The following PTPRT variants were observed in gnomAD, a reference collection of about 807,000 sequenced individuals.
The protein encoded by PTPRT is receptor-type tyrosine-protein phosphatase T.
PTPRT carries 56 observed loss-of-function variants against 176.8 expected under a neutral mutation model. The observed-to-expected ratio is 0.32, with a 90% confidence interval of 0.26 to 0.40. The LOEUF (loss-of-function observed/expected upper bound fraction) is 0.40, where lower values mean the gene tolerates loss of function less well. Among genes scored for constraint, PTPRT ranks in the 10% least tolerant of loss-of-function variants. The pLI, the probability that PTPRT is intolerant of heterozygous loss-of-function variation, is 1.00. For missense variants in PTPRT, 1,540 were observed against 1,908.2 expected, an observed-to-expected ratio of 0.81 and a Z score of 3.60; for synonymous variants, 783 against 739.0, an observed-to-expected ratio of 1.06 and a Z score of -0.96.
intron 9 of PTPRT, among the ~76,000 whole-genome samples, chr20:42,445,727 G>A (rs917448756): frequency 6.6e-6 from 1 of 152,188 alleles, no homozygotes; most frequent in African/African-American, 2.4e-5. Context: ...ACCTGAAGAT[G>A]TCTTTCATCA....
At chr20:42,675,018 C>A (rs1169782478) in intron 7 of PTPRT, among the ~76,000 whole-genome samples, 2 of 152,184 alleles carry the variant, frequency 1.3e-5, no homozygotes, top group Non-Finnish European at 2.9e-5. Context: ...CTGCACCCAG[C>A]AGAACTGAGC....
chr20:42,960,906 T>TTA (rs1981948538), intron 1 of PTPRT, among the ~76,000 whole-genome samples: 1 of 152,118 alleles, frequency 6.6e-6, no homozygotes, highest in East Asian at 1.9e-4. Flanking sequence ...CTATAACCAA[T>TTA]ATGGGGCCTA....
chr20:42,657,128 G>C (rs914912089), intron 7 of PTPRT, among the ~76,000 whole-genome samples: 1 of 152,082 alleles, frequency 6.6e-6, no homozygotes. Context: ...TTCCCCCTTT[G>C]CTCCACACTT....
chr20:42,534,934 C>T (rs970006625), intron 7 of PTPRT, among the ~76,000 whole-genome samples: 2 of 152,112 alleles, frequency 1.3e-5, no homozygotes, highest in African/African-American at 2.4e-5. Flanking sequence ...CCCAGTGCTG[C>T]GCTAAATGTT....
At chr20:42,569,346 C>T (rs1223658056) in intron 7 of PTPRT, among the ~76,000 whole-genome samples, 1 of 151,876 alleles carries the variant, frequency 6.6e-6, no homozygotes, top group Non-Finnish European at 1.5e-5. Context: ...GACAGTCCTG[C>T]CTTATTCTTC....
At chr20:43,186,111 C>T (rs1465595286) in intron 1 of PTPRT, among the ~76,000 whole-genome samples, 2 of 152,214 alleles carry the variant, frequency 1.3e-5, no homozygotes, top group Admixed American at 1.3e-4. Flanking sequence ...GGCACTCTTC[C>T]ATTCACTCTG....
At chr20:43,179,299 A>T (rs543244144) in intron 1 of PTPRT, among the ~76,000 whole-genome samples, 1 of 152,198 alleles carries the variant, frequency 6.6e-6, no homozygotes, top group Non-Finnish European at 1.5e-5. Context: ...TTTACATCAG[A>T]CTTTTTAATT....
At chr20:43,082,655 C>T (rs1336408174) in intron 1 of PTPRT, among the ~76,000 whole-genome samples, 1 of 152,206 alleles carries the variant, frequency 6.6e-6, no homozygotes, top group African/African-American at 2.4e-5. Flanking sequence ...GGAGACCATG[C>T]TTTGTTTACC....
chr20:42,221,343 T>G (rs1213535717), intron 15 of PTPRT, among the ~76,000 whole-genome samples: 5 of 152,140 alleles, frequency 3.3e-5, no homozygotes, highest in South Asian at 4.1e-4. Flanking sequence ...TATTAGTCCA[T>G]TCTCATACTG....
chr20:42,861,418 T>A (rs1437851582), intron 2 of PTPRT, among the ~76,000 whole-genome samples: 1 of 152,148 alleles, frequency 6.6e-6, no homozygotes, highest in Non-Finnish European at 1.5e-5. Context: ...TTTTTCAACA[T>A]CTCAAAATAA....
chr20:42,151,649 T>C (rs534911840), intron 17 of PTPRT, among the ~76,000 whole-genome samples: 1 of 152,194 alleles, frequency 6.6e-6, no homozygotes, highest in Non-Finnish European at 1.5e-5. Flanking sequence ...TTATAATGCT[T>C]TGGGTATATA....
intron 13 of PTPRT, among the ~76,000 whole-genome samples, chr20:42,271,145 C>G (rs2056927430): frequency 6.6e-6 from 1 of 152,152 alleles, no homozygotes; most frequent in Non-Finnish European, 1.5e-5. Flanking sequence ...CTCACAGGCC[C>G]TCCATGATGA....
intron 15 of PTPRT, among the ~76,000 whole-genome samples, chr20:42,205,934 G>A (rs1424428438): frequency 2.6e-5 from 4 of 152,036 alleles, no homozygotes; most frequent in African/African-American, 9.7e-5. Context: ...GTTACACATC[G>A]CAACTGTAAG....
At chr20:42,936,913 G>A (rs564119708) in intron 1 of PTPRT, among the ~76,000 whole-genome samples, 1 of 152,266 alleles carries the variant, frequency 6.6e-6, no homozygotes, top group South Asian at 2.1e-4. Flanking sequence ...GAAAACTAGG[G>A]TGATCATTAG....
intron 9 of PTPRT, among the ~76,000 whole-genome samples, chr20:42,355,106 C>T (rs1256616465): frequency 6.6e-6 from 1 of 152,100 alleles, no homozygotes; most frequent in African/African-American, 2.4e-5. Flanking sequence ...AGGACTTTCT[C>T]CATGGGTGCT....
rs1235047544 is a variant in PTPRT at position 42,679,256 on chromosome 20, A to G, written c.860-1097T>C. On this transcript the variant is annotated intron_variant, in intron 6 of 30. Coordinates refer to ENST00000373187, the MANE Select transcript of PTPRT (RefSeq NM_007050.6). ...CTTTAAAATCTCACACGTATCATTC[A>G]TGTAATTCTTGGGACAGCATTATCA... Among the ~76,000 whole-genome samples, 5 of 152,206 alleles carry G rather than the reference A, an allele frequency of 3.3e-5. No individual in the cohort carries two copies. In the East Asian group the frequency reaches 5.8e-4, roughly 18 times the overall value.
At chr20:43,181,785 T>C (rs943074641) in intron 1 of PTPRT, among the ~76,000 whole-genome samples, 1 of 152,062 alleles carries the variant, frequency 6.6e-6, no homozygotes, top group African/African-American at 2.4e-5. Context: ...TAGGGCTCTT[T>C]AAATAATAAC....
chr20:42,144,854 C>G (rs1247965424), intron 17 of PTPRT, among the ~76,000 whole-genome samples: 1 of 152,192 alleles, frequency 6.6e-6, no homozygotes. Context: ...CTATTCCTTA[C>G]TAGGTCTATC....
intron 11 of PTPRT, among the ~76,000 whole-genome samples, chr20:42,329,873 T>A (rs2057942840): frequency 6.6e-6 from 1 of 152,216 alleles, no homozygotes; most frequent in Non-Finnish European, 1.5e-5. Context: ...ATTACCTTAG[T>A]ATTGTGATAA....
Sources: allele counts gnomAD v4.1 joint callset (sites outside exome capture counted in the v4.1 genomes callset), GRCh38; gene constraint gnomAD v4.1.1; transcripts MANE v1.5; gene names NCBI Gene and HGNC (gene_info 2026-07-23, HGNC 2026-07-21).